Variants in CDH12 observed in about 807,000 individuals in gnomAD.
CDH12 encodes the protein cadherin 12.
A neutral mutation model predicts 74.1 loss-of-function variants in CDH12; 41 were observed. That is an observed-to-expected ratio of 0.55 (90% CI 0.43 to 0.72). The LOEUF (loss-of-function observed/expected upper bound fraction) is 0.72, where lower values mean the gene tolerates loss of function less well. Ranked by LOEUF, CDH12 falls within the 30% of genes least tolerant of loss-of-function variation. The probability of loss-of-function intolerance (pLI) is 0.00; values close to 1 mark genes in which losing one functional copy is unlikely to be tolerated. For missense variants in CDH12, 945 were observed against 977.2 expected (o/e 0.97, Z 0.44); for synonymous variants, 399 against 355.0 (o/e 1.12, Z -1.39).
intron 6 of CDH12, among the ~76,000 whole-genome samples, chr5:21,920,674 A>ATAATAATAATAATAATAATAG: frequency 6.7e-6 from 1 of 149,268 alleles, no homozygotes; most frequent in Non-Finnish European, 1.5e-5. Flanking sequence ...AAGTATGATA[A>ATAATAATAATAATAATAATAG]TAATAATAAT....
At chr5:22,425,165 A>ATG (rs1466919269) in intron 2 of CDH12, among the ~76,000 whole-genome samples, 1 of 134,056 alleles carries the variant, frequency 7.5e-6, no homozygotes, top group Non-Finnish European at 1.6e-5. Flanking sequence ...ATATATATAT[A>ATG]TATATAAATA....
intron 1 of CDH12, among the ~76,000 whole-genome samples, chr5:22,701,230 A>C (rs949827968): frequency 3.3e-5 from 5 of 151,992 alleles, no homozygotes; most frequent in Non-Finnish European, 5.9e-5. Context: ...TAAACAATTA[A>C]TCTACTATTA....
chr5:22,050,489 A>G (rs1740284779), intron 5 of CDH12, among the ~76,000 whole-genome samples: 1 of 152,176 alleles, frequency 6.6e-6, no homozygotes, highest in Non-Finnish European at 1.5e-5. Context: ...AAATTTAGCA[A>G]TCTACTGGCT....
intron 3 of CDH12, among the ~76,000 whole-genome samples, chr5:22,247,657 A>C (rs963390494): frequency 4.3e-5 from 6 of 140,388 alleles, no homozygotes; most frequent in Non-Finnish European, 9.2e-5. Flanking sequence ...CCTGGGCGAC[A>C]GAGTGAGACT....
intron 1 of CDH12, among the ~76,000 whole-genome samples, chr5:22,651,176 T>A (rs1025681581): frequency 1.3e-5 from 2 of 152,046 alleles, no homozygotes. Flanking sequence ...AATGTTACCT[T>A]CTCAGACTTC....
At chr5:21,790,799 C>T (rs1428768335) in intron 10 of CDH12, among the ~76,000 whole-genome samples, 1 of 151,884 alleles carries the variant, frequency 6.6e-6, no homozygotes, top group Non-Finnish European at 1.5e-5. Context: ...TCTTCCTTAC[C>T]CACACATTTT....
At chr5:21,954,614 G>T (rs996003395) in intron 6 of CDH12, among the ~76,000 whole-genome samples, 1 of 152,096 alleles carries the variant, frequency 6.6e-6, no homozygotes, top group Non-Finnish European at 1.5e-5. Flanking sequence ...AACTCTGTGT[G>T]TTGCTTTAAA....
chr5:22,820,952 T>C (rs900437141), intron 1 of CDH12, among the ~76,000 whole-genome samples: 5 of 152,236 alleles, frequency 3.3e-5, no homozygotes, highest in African/African-American at 1.2e-4. Flanking sequence ...TTTAGACCAA[T>C]ACCCTTGATG....
At chr5:21,929,691 T>C (rs1034142458) in intron 6 of CDH12, among the ~76,000 whole-genome samples, 1 of 152,082 alleles carries the variant, frequency 6.6e-6, no homozygotes, top group Non-Finnish European at 1.5e-5. Flanking sequence ...CTACTTTTTG[T>C]ATTTTTTTGT....
At chr5:22,296,075 T>C (rs1242724603) in intron 3 of CDH12, among the ~76,000 whole-genome samples, 3 of 151,922 alleles carry the variant, frequency 2.0e-5, no homozygotes, top group Non-Finnish European at 4.4e-5. Flanking sequence ...AACTTTATGA[T>C]ACCTATAGGA....
intron 6 of CDH12, among the ~76,000 whole-genome samples, chr5:21,954,993 GTTA>G (rs1008734331): frequency 1.3e-5 from 2 of 152,088 alleles, no homozygotes; most frequent in African/African-American, 4.8e-5. Flanking sequence ...TGAAATTCAT[GTTA>G]TTGAGTAGAG....
chr5:22,707,556 A>G (rs1470778809), intron 1 of CDH12, among the ~76,000 whole-genome samples: 2 of 152,162 alleles, frequency 1.3e-5, no homozygotes, highest in Non-Finnish European at 2.9e-5. Flanking sequence ...ACAAGCAAAC[A>G]ATATAAACAA....
At chr5:22,666,280 A>ATTTTTTTT (rs1740609513) in intron 1 of CDH12, among the ~76,000 whole-genome samples, 2 of 115,070 alleles carry the variant, frequency 1.7e-5, no homozygotes, top group African/African-American at 7.0e-5. Flanking sequence ...GTATCTCTCT[A>ATTTTTTTT]TCTTTTTTTT....
intron 2 of CDH12, among the ~76,000 whole-genome samples, chr5:22,482,538 ATTC>A (rs1746424752): frequency 6.6e-6 from 1 of 152,274 alleles, no homozygotes; most frequent in African/African-American, 2.4e-5. Context: ...CTTTACCCAT[ATTC>A]TTCTTATAAA....
intron 4 of CDH12, among the ~76,000 whole-genome samples, chr5:22,082,514 T>C (rs1399347289): frequency 6.6e-6 from 1 of 152,186 alleles, no homozygotes; most frequent in Non-Finnish European, 1.5e-5. Context: ...AAGTATATGG[T>C]GCAAAATTTC....
At chr5:22,456,068 C>T (rs1163224839) in intron 2 of CDH12, among the ~76,000 whole-genome samples, 1 of 151,134 alleles carries the variant, frequency 6.6e-6, no homozygotes, top group Non-Finnish European at 1.5e-5. Context: ...GCAAGAGACA[C>T]ACAATAGCAC....
Position 22,308,070 on chromosome 5 carries a change from C to T in CDH12, c.-332-95427G>A, listed in dbSNP as rs571030046. On this transcript the variant is annotated intron_variant, in intron 3 of 14. Coordinates refer to ENST00000382254, the MANE Select transcript of CDH12 (RefSeq NM_004061.5). ...TAATTTTTTGTATTTTTAGTAGAAA[C>T]GGGGTTTCACCACGTTAGCCAGGAT... 2.6e-3 allele frequency among the ~76,000 whole-genome samples: 397 copies of T among 151,484 alleles called. 2 individuals are homozygous for T. Among genetic ancestry groups the T allele is most frequent in the Non-Finnish European group, 3.8e-3 (258 of 67,848 alleles).
intron 1 of CDH12, among the ~76,000 whole-genome samples, chr5:22,590,307 C>G (rs376335028): frequency 6.6e-6 from 1 of 151,926 alleles, no homozygotes; most frequent in Non-Finnish European, 1.5e-5. Context: ...AAAGAGAGAA[C>G]ATTTTTAAAA....
intron 3 of CDH12, among the ~76,000 whole-genome samples, chr5:22,404,564 G>T (rs1330834947): frequency 6.6e-6 from 1 of 152,024 alleles, no homozygotes; most frequent in Non-Finnish European, 1.5e-5. Context: ...TTATGTATTT[G>T]ATTAAAACTG....
Sources: gnomAD v4.1 joint callset for allele counts (sites outside exome capture counted in the v4.1 genomes callset) on GRCh38, gnomAD v4.1.1 for gene constraint, MANE v1.5 for transcripts, NCBI Gene and HGNC (gene_info 2026-07-23, HGNC 2026-07-21) for gene names.